Variants in TBC1D22A observed in about 807,000 individuals in gnomAD.
The protein encoded by TBC1D22A is TBC1 domain family member 22A.
Under a neutral mutation model 60.2 loss-of-function variants are expected in TBC1D22A, and 38 were observed. The ratio of observed to expected loss-of-function variants is 0.63; its 90% confidence interval spans 0.49 to 0.83. The LOEUF (loss-of-function observed/expected upper bound fraction) is 0.83. Ranked by LOEUF, TBC1D22A falls within the 40% of genes least tolerant of loss-of-function variation. The pLI is 0.00. For synonymous variants in TBC1D22A, 302 were observed against 281.7 expected (o/e 1.07, Z -0.72); for missense variants, 628 against 701.0 (o/e 0.90, Z 1.18).
chr22:47,128,923 G>C (rs2066589554), intron 12 of TBC1D22A, among the ~76,000 whole-genome samples: 1 of 152,250 alleles, frequency 6.6e-6, no homozygotes, highest in African/African-American at 2.4e-5. Context: ...CGTCAGCAGA[G>C]TGAAGAGAAG....
intron 11 of TBC1D22A, among the ~76,000 whole-genome samples, chr22:47,098,528 C>T (rs1344714558): frequency 6.6e-6 from 1 of 152,196 alleles, no homozygotes; most frequent in African/African-American, 2.4e-5. Context: ...ATGCACCAGG[C>T]TGCCCTGGGG....
chr22:46,952,717 A>G (rs903709563), intron 8 of TBC1D22A, among the ~76,000 whole-genome samples: 76 of 152,252 alleles, frequency 5.0e-4, no homozygotes, highest in African/African-American at 1.6e-3. Flanking sequence ...TGCCTTGGCC[A>G]TATTCTTTGG....
At chr22:46,839,262 A>ACTT (rs61249352) in intron 4 of TBC1D22A, among the ~76,000 whole-genome samples, 47,066 of 151,686 alleles carry the variant, frequency 0.31, 7,416 homozygotes, top group South Asian at 0.44. Flanking sequence ...AGAATGAAAT[A>ACTT]TGATACTTTG....
intron 4 of TBC1D22A, among the ~76,000 whole-genome samples, chr22:46,823,501 T>G (rs1359017942): frequency 6.6e-6 from 1 of 152,154 alleles, no homozygotes; most frequent in Non-Finnish European, 1.5e-5. Context: ...GGGTGAGTTC[T>G]CAGGGCATGG....
At chr22:46,958,148 C>G (rs1029367500) in intron 8 of TBC1D22A, among the ~76,000 whole-genome samples, 29 of 152,088 alleles carry the variant, frequency 1.9e-4, no homozygotes, top group East Asian at 1.9e-4. Flanking sequence ...GGGCTTGGCC[C>G]AAGGATTGAC....
intron 11 of TBC1D22A, among the ~76,000 whole-genome samples, chr22:47,059,793 T>G (rs1217923857): frequency 2.6e-5 from 4 of 152,190 alleles, no homozygotes; most frequent in Non-Finnish European, 5.9e-5. Context: ...GACTTTACGG[T>G]AACAGCAGGG....
intron 12 of TBC1D22A, chr22:47,116,020 C>T (rs972076702): frequency 2.0e-5 from 3 of 152,292 alleles, no homozygotes; most frequent in African/African-American, 7.2e-5. Context: ...AGTTTGGCTT[C>T]CCAGGGGACT....
intron 7 of TBC1D22A, among the ~76,000 whole-genome samples, chr22:46,901,251 G>A (rs1268890150): frequency 6.6e-6 from 1 of 152,218 alleles, no homozygotes; most frequent in African/African-American, 2.4e-5. Flanking sequence ...GCCAGACGTG[G>A]AAGCCAGGTT....
Position 47,174,182 on chromosome 22 carries a change from C to T in TBC1D22A, c.*556C>T, listed in dbSNP as rs559488058. The T allele has an allele frequency of 2.0e-5, 3 of 153,138 alleles. No individual in the cohort carries two copies. In the East Asian group the frequency reaches 5.8e-4, roughly 30 times the overall value. The allele number at this position is 153,138 out of a possible 1,614,324, so 9.5% of individuals were successfully genotyped here. A position where few individuals can be genotyped will look rare whatever the true frequency, so the allele number is the denominator to read the frequency against. On this transcript the variant is annotated 3_prime_UTR_variant, in exon 13 of 13. Transcript: ENST00000337137. ...CTGGCCCTTTCCCTCCGTGTGTTTT[C>T]CTGCTTGCTTGGTTTAAACGTGGCT...
intron 4 of TBC1D22A, among the ~76,000 whole-genome samples, chr22:46,798,974 C>A (rs1318112055): frequency 6.6e-6 from 1 of 152,014 alleles, no homozygotes; most frequent in Non-Finnish European, 1.5e-5. Flanking sequence ...GGAAGGTCTC[C>A]TGGCTAGAAG....
intron 12 of TBC1D22A, among the ~76,000 whole-genome samples, chr22:47,130,365 C>T (rs1338516673): frequency 6.6e-6 from 1 of 152,174 alleles, no homozygotes; most frequent in African/African-American, 2.4e-5. Flanking sequence ...CCCACGTTTG[C>T]CTCACTGTCT....
intron 12 of TBC1D22A, among the ~76,000 whole-genome samples, chr22:47,163,715 C>T (rs544194989): frequency 6.6e-6 from 1 of 152,216 alleles, no homozygotes; most frequent in Non-Finnish European, 1.5e-5. Flanking sequence ...GGGCACAGCA[C>T]GGTGCTGCCA....
In TBC1D22A at chr22:46,894,686, G is replaced by A. The variant is rs942160473; in HGVS notation, c.838-98G>A. Reference sequence around the variant, plus strand: ...TCAAGGAGAGAGCGGGGTAGAGGCCGGGGAAGGACTTACCTCAGTATTGCT... The same window carrying A: ...TCAAGGAGAGAGCGGGGTAGAGGCCAGGGAAGGACTTACCTCAGTATTGCT... On this transcript the variant is annotated intron_variant, in intron 6 of 12. Transcript: ENST00000337137. 35 of 1,415,918 alleles carry A rather than the reference G, an allele frequency of 2.5e-5. No homozygotes were observed. In the African/African-American group the frequency reaches 3.8e-4, roughly 15 times the overall value. 87.7% of individuals were successfully genotyped at this position (1,415,918 alleles called of 1,614,324 possible). A position where few individuals can be genotyped will look rare whatever the true frequency, so the allele number is the denominator to read the frequency against.
At position 47,134,455 on chromosome 22, in the gene TBC1D22A, G is replaced by T. The variant is rs372021821; in HGVS notation, c.1425+22852G>T. On this transcript the variant is annotated intron_variant, in intron 12 of 12. Coordinates refer to ENST00000337137, the MANE Select transcript of TBC1D22A (RefSeq NM_014346.5). ...ACTGGTTGGTAGCCCACCGCCCCTC[G>T]CCAGCTCCTGGCCAGGACAGGCCTC... Among the ~76,000 whole-genome samples, 276 of 152,340 alleles carry T rather than the reference G, an allele frequency of 1.8e-3. 1 individual carries two copies. The highest frequency in any genetic ancestry group is 6.1e-3 in the African/African-American group (255 of 41,562).
At chr22:46,762,877 G>A (rs894866543) in intron 1 of TBC1D22A, 29 bp downstream of exon 1, 16 of 1,471,594 alleles carry the variant, frequency 1.1e-5, no homozygotes, top group Non-Finnish European at 1.3e-5. Context: ...GCCAGGTCGG[G>A]GTCAGGGGTC....
At chr22:46,880,430 G>C (rs924801932) in intron 5 of TBC1D22A, among the ~76,000 whole-genome samples, 1 of 152,190 alleles carries the variant, frequency 6.6e-6, no homozygotes. Context: ...GATCTTGGGG[G>C]CCCAAGCATT....
At chr22:46,857,241 T>A (rs955689710) in intron 4 of TBC1D22A, among the ~76,000 whole-genome samples, 1 of 152,240 alleles carries the variant, frequency 6.6e-6, no homozygotes, top group Non-Finnish European at 1.5e-5. Flanking sequence ...CTGGGGTCTC[T>A]GGGAGAGCTC....
intron 10 of TBC1D22A, among the ~76,000 whole-genome samples, chr22:47,010,899 T>C (rs1242175050): frequency 1.3e-5 from 2 of 152,186 alleles, no homozygotes; most frequent in Non-Finnish European, 2.9e-5. Flanking sequence ...AATATACACC[T>C]GGGTTCTAGT....
chr22:47,149,330 C>T (rs995871872), intron 12 of TBC1D22A, among the ~76,000 whole-genome samples: 40 of 152,242 alleles, frequency 2.6e-4, no homozygotes, highest in Admixed American at 9.8e-4. Flanking sequence ...CATTTATTTC[C>T]CTCAAATGGC....
Sources: gnomAD v4.1 joint callset for allele counts (sites outside exome capture counted in the v4.1 genomes callset) on GRCh38, gnomAD v4.1.1 for gene constraint, MANE v1.5 for transcripts, NCBI Gene and HGNC (gene_info 2026-07-23, HGNC 2026-07-21) for gene names.